The following NUGGC variants were observed in gnomAD, a reference collection of about 807,000 sequenced individuals.
NUGGC encodes the protein nuclear GTPase SLIP-GC.
NUGGC carries 58 observed loss-of-function variants against 92.6 expected under a neutral mutation model. The observed-to-expected ratio is 0.63, with a 90% CI of 0.51 to 0.78. The LOEUF (loss-of-function observed/expected upper bound fraction) is 0.78. Among genes scored for constraint, NUGGC ranks in the 30% least tolerant of loss-of-function variants. NUGGC has a pLI of 0.00. For missense variants in NUGGC, 925 were observed against 964.6 expected, an observed-to-expected ratio of 0.96 and a Z score of 0.54; for synonymous variants, 376 against 366.4, an observed-to-expected ratio of 1.03 and a Z score of -0.30.
At chr8:28,074,000 T>C (rs962663550) in intron 2 of NUGGC, among the ~76,000 whole-genome samples, 2 of 152,048 alleles carry the variant, frequency 1.3e-5, no homozygotes, top group African/African-American at 4.8e-5. Context: ...GATTTCACCA[T>C]GTTGGTCAGG....
chr8:28,060,750 A>G (rs886108126), intron 7 of NUGGC, 149 bp from the exon 8 acceptor site: 13 of 641,006 alleles, frequency 2.0e-5, no homozygotes, highest in Middle Eastern at 4.1e-4. Context: ...GGACTGAGCT[A>G]TGAGTCATTT....
At position 28,047,493 on chromosome 8, in the gene NUGGC, A is replaced by C; in HGVS notation, c.1312+14T>G. ...GAGAATTTTAGTGATGGAGATTTAA[A>C]AAACATAAATTACCCGTTTCCTCCT... On this transcript the variant is annotated intron_variant, in intron 11 of 18. Coordinates refer to ENST00000413272, the MANE Select transcript of NUGGC (RefSeq NM_001010906.2). 1 of 1,492,622 alleles carries C rather than the reference A, an allele frequency of 6.7e-7. No individual in the cohort carries two copies. The highest frequency in any genetic ancestry group is 1.2e-5 in the South Asian group (1 of 81,426). The allele number at this position is 1,492,622 out of a possible 1,614,324, so 92.5% of individuals were successfully genotyped here.
At chr8:28,062,971 AC>A (rs1448374803) in intron 7 of NUGGC, among the ~76,000 whole-genome samples, 2 of 150,454 alleles carry the variant, frequency 1.3e-5, no homozygotes, top group Non-Finnish European at 1.5e-5. Context: ...GCACCCCACC[AC>A]CCCCAACCTG....
intron 9 of NUGGC, among the ~76,000 whole-genome samples, chr8:28,056,385 G>A (rs539520422): frequency 5.1e-4 from 78 of 152,046 alleles, no homozygotes; most frequent in Non-Finnish European, 7.8e-4. Context: ...GGCTGAGGCA[G>A]GAGAATTGCT....
At chr8:28,024,449 C>T (rs1809204272) in intron 18 of NUGGC, among the ~76,000 whole-genome samples, 1 of 152,090 alleles carries the variant, frequency 6.6e-6, no homozygotes, top group Admixed American at 6.5e-5. Context: ...GTCCTGTGGG[C>T]CTCCCTGCAT....
chr8:28,070,144 T>C, intron 3 of NUGGC, 108 bp downstream of exon 3: 1 of 1,462,018 alleles, frequency 6.8e-7, no homozygotes. Context: ...AACAGGTTTA[T>C]TTGATGTTTC....
intron 10 of NUGGC, among the ~76,000 whole-genome samples, chr8:28,052,226 T>C (rs982214450): frequency 9.9e-5 from 15 of 152,148 alleles, no homozygotes; most frequent in African/African-American, 3.6e-4. Context: ...GCACATTGTT[T>C]CCCCGTTTAA....
chr8:28,030,502 CCCTCCA>C, intron 15 of NUGGC, 84 bp from the exon 16 acceptor site: 1 of 720,878 alleles, frequency 1.4e-6, no homozygotes, highest in Non-Finnish European at 2.5e-6. Flanking sequence ...GGCCACCATT[CCCTCCA>C]CCTCCACCTT....
chr8:28,037,264 CA>C, intron 13 of NUGGC, among the ~76,000 whole-genome samples: 1 of 152,298 alleles, frequency 6.6e-6, no homozygotes, highest in Non-Finnish European at 1.5e-5. Context: ...CACTATGTTC[CA>C]ACTCTTCAAC....
intron 13 of NUGGC, among the ~76,000 whole-genome samples, chr8:28,039,792 A>G (rs1216580501): frequency 6.6e-6 from 1 of 152,174 alleles, no homozygotes; most frequent in Non-Finnish European, 1.5e-5. Flanking sequence ...GTTGTCCATC[A>G]CATCTTCCCC....
Position 28,070,249 on chromosome 8 carries a change from C to G in NUGGC, c.148+3G>C, listed in dbSNP as rs1433972416. Reference sequence around the variant, plus strand: ...GTTAAAACAACAGTTCCAAGACACTCACATTCCTTAAGAGCACTCTGCTCC... The same window carrying G: ...GTTAAAACAACAGTTCCAAGACACTGACATTCCTTAAGAGCACTCTGCTCC... On this transcript the variant is annotated splice_donor_region_variant and intron_variant, in intron 3 of 18. Coordinates refer to ENST00000413272, the MANE Select transcript of NUGGC (RefSeq NM_001010906.2). 6.5e-7 allele frequency: 1 copy of G among 1,543,504 alleles called. No individual in the cohort carries two copies. The highest frequency in any genetic ancestry group is 8.8e-7 in the Non-Finnish European group (1 of 1,138,790).
intron 10 of NUGGC, among the ~76,000 whole-genome samples, chr8:28,050,737 G>A (rs979365474): frequency 6.6e-6 from 1 of 152,012 alleles, no homozygotes; most frequent in African/African-American, 2.4e-5. Flanking sequence ...CTTGAACCCA[G>A]GAGGCAGAGG....
Position 28,023,215 on chromosome 8 carries a change from G to A in NUGGC, c.*102C>T. On this transcript the variant is annotated 3_prime_UTR_variant, in exon 19 of 19. Coordinates refer to ENST00000413272, the MANE Select transcript of NUGGC (RefSeq NM_001010906.2). ...ATGGTGCCACTGCACTCCAGCCTGG[G>A]CAACAGAGGTAGATAGATCTTGTCT... 1 of 1,321,128 alleles carries A rather than the reference G, an allele frequency of 7.6e-7. No individual in the cohort carries two copies. The highest frequency in any genetic ancestry group is 1.5e-5 in the South Asian group (1 of 67,718). The allele number at this position is 1,321,128 out of a possible 1,614,324, so 81.8% of individuals were successfully genotyped here.
intron 10 of NUGGC, 85 bp from the exon 11 acceptor site, chr8:28,047,697 C>T (rs1809876189): frequency 1.3e-6 from 1 of 744,082 alleles, no homozygotes; most frequent in Admixed American, 2.5e-5. Flanking sequence ...GAGCCTTCAG[C>T]CAATTTCAGC....
In NUGGC at chr8:28,035,871, G is replaced by C; in HGVS notation, c.1612-2174C>G. Among the ~76,000 whole-genome samples, 3 of 152,190 alleles carry C rather than the reference G, an allele frequency of 2.0e-5. No homozygotes were observed. In the South Asian group the frequency reaches 6.2e-4, roughly 32 times the overall value. ...TACTTCTCAGGAGCATGTGATATTC[G>C]TCTTAACGAACTTTATTTTTCTTTT... is the stretch of plus-strand genomic sequence containing the variant. On this transcript the variant is annotated intron_variant, in intron 13 of 18. Coordinates refer to ENST00000413272, the MANE Select transcript of NUGGC (RefSeq NM_001010906.2).
At position 28,063,669 on chromosome 8, in the gene NUGGC, T is replaced by C. The variant is rs148585756; in HGVS notation, c.921+853A>G. ...GACTTTCCCTCTCTGAGCCTTCATG[T>C]CTTCATCTGTACAATCAGGGCAGAG... On this transcript the variant is annotated intron_variant, in intron 7 of 18. Transcript: ENST00000413272. 2.9e-3 allele frequency among the ~76,000 whole-genome samples: 440 copies of C among 152,286 alleles called. 2 individuals are homozygous for C. The highest frequency in any genetic ancestry group is 0.01 in the African/African-American group (431 of 41,554).
intron 2 of NUGGC, among the ~76,000 whole-genome samples, chr8:28,072,696 T>C (rs1351681252): frequency 6.6e-6 from 1 of 152,164 alleles, no homozygotes; most frequent in Non-Finnish European, 1.5e-5. Context: ...TGCAAAACTA[T>C]CTGGAAAGGA....
intron 1 of NUGGC, among the ~76,000 whole-genome samples, chr8:28,083,148 G>A (rs896537500): frequency 1.3e-4 from 20 of 152,178 alleles, no homozygotes; most frequent in Admixed American, 1.2e-3. Flanking sequence ...GGCGGAGATT[G>A]GAGCAGGGAA....
intron 10 of NUGGC, among the ~76,000 whole-genome samples, chr8:28,051,674 C>T (rs1331065395): frequency 1.3e-5 from 2 of 152,148 alleles, no homozygotes; most frequent in East Asian, 3.8e-4. Flanking sequence ...GCCTGTAATC[C>T]CAGCACTTTG....
Sources: gnomAD v4.1 joint callset for allele counts (sites outside exome capture counted in the v4.1 genomes callset) on GRCh38, gnomAD v4.1.1 for gene constraint, MANE v1.5 for transcripts, NCBI Gene and HGNC (gene_info 2026-07-23, HGNC 2026-07-21) for gene names.